The following EPSTI1 variants were observed in gnomAD, a reference collection of about 807,000 sequenced individuals.
The protein encoded by EPSTI1 is epithelial stromal interaction 1, also known as epithelial-stromal interaction protein 1.
A neutral mutation model predicts 49.9 loss-of-function variants in EPSTI1; 66 were observed. The observed-to-expected ratio is 1.32, with a 90% CI of 1.08 to 1.62. EPSTI1 has a LOEUF of 1.62. Among genes scored for constraint, EPSTI1 ranks in the 40% most tolerant of loss-of-function variants. EPSTI1 has a pLI of 0.00. For missense variants in EPSTI1, 394 were observed against 365.5 expected (o/e 1.08, Z -0.64); for synonymous variants, 137 against 130.7 (o/e 1.05, Z -0.33).
intron 5 of EPSTI1, among the ~76,000 whole-genome samples, chr13:42,961,182 T>C (rs2039437921): frequency 6.6e-6 from 1 of 152,094 alleles, no homozygotes; most frequent in Non-Finnish European, 1.5e-5. Flanking sequence ...GGTAAGAAAA[T>C]ACCTTTTTCA....
At chr13:42,950,719 T>C (rs1245717699) in intron 6 of EPSTI1, among the ~76,000 whole-genome samples, 4 of 152,214 alleles carry the variant, frequency 2.6e-5, no homozygotes, top group Admixed American at 6.5e-5. Context: ...ATGGTGAAAC[T>C]AGCAAAGTAT....
chr13:42,950,486 C>T (rs1167533184), intron 6 of EPSTI1, among the ~76,000 whole-genome samples: 5 of 152,162 alleles, frequency 3.3e-5, no homozygotes, highest in Non-Finnish European at 5.9e-5. Context: ...TGCCTGTTAG[C>T]TAAATAATTG....
chr13:42,943,462 A>C (rs1482482347), intron 6 of EPSTI1, among the ~76,000 whole-genome samples: 8 of 152,152 alleles, frequency 5.3e-5, no homozygotes. Context: ...CTGAGTTAGC[A>C]GTTATTGTTA....
chr13:42,905,341 T>C (rs761146071), intron 8 of EPSTI1, among the ~76,000 whole-genome samples: 2 of 152,162 alleles, frequency 1.3e-5, no homozygotes, highest in African/African-American at 2.4e-5. Context: ...CTCAGGATTA[T>C]TATCCTATAA....
At chr13:42,982,013 C>T (rs766273510) in intron 1 of EPSTI1, among the ~76,000 whole-genome samples, 1 of 152,122 alleles carries the variant, frequency 6.6e-6, no homozygotes, top group Non-Finnish European at 1.5e-5. Flanking sequence ...GCTCTAATGT[C>T]AGAGGTGTTT....
chr13:42,891,351 C>T (rs2037029487), intron 10 of EPSTI1, among the ~76,000 whole-genome samples: 1 of 152,098 alleles, frequency 6.6e-6, no homozygotes, highest in African/African-American at 2.4e-5. Context: ...ATGTATAGGC[C>T]TGGTCTTCGT....
At chr13:42,912,723 A>C (rs912140977) in intron 8 of EPSTI1, among the ~76,000 whole-genome samples, 4 of 152,214 alleles carry the variant, frequency 2.6e-5, no homozygotes, top group Non-Finnish European at 4.4e-5. Flanking sequence ...AATCTTGGTA[A>C]ATAAACATAT....
chr13:42,909,044 G>A (rs2037586792), intron 8 of EPSTI1, among the ~76,000 whole-genome samples: 1 of 152,170 alleles, frequency 6.6e-6, no homozygotes, highest in South Asian at 2.1e-4. Flanking sequence ...AGTGTGCCAA[G>A]ATCATGCCAT....
intron 8 of EPSTI1, among the ~76,000 whole-genome samples, chr13:42,913,655 A>G (rs1355717439): frequency 6.6e-6 from 1 of 152,234 alleles, no homozygotes; most frequent in African/African-American, 2.4e-5. Flanking sequence ...AACACAGTTC[A>G]TGCAAAGTAG....
chr13:42,893,637 T>G (rs2037103074), intron 10 of EPSTI1, among the ~76,000 whole-genome samples: 1 of 152,100 alleles, frequency 6.6e-6, no homozygotes, highest in Non-Finnish European at 1.5e-5. Flanking sequence ...GATTGCCACA[T>G]CCTCACATCC....
intron 8 of EPSTI1, among the ~76,000 whole-genome samples, chr13:42,912,628 T>A (rs1594635827): frequency 6.6e-6 from 1 of 152,230 alleles, no homozygotes; most frequent in Non-Finnish European, 1.5e-5. Flanking sequence ...GTTTGTATAG[T>A]TACAAATATA....
rs142300881 is a variant in EPSTI1, at chr13:42,926,334, A to G, written c.657+2T>C. On this transcript the variant is annotated splice_donor_variant, in intron 7 of 10. Transcript: ENST00000313624. LOFTEE classifies it high-confidence loss of function. ...CAGCACCCTGCAAAGTAATTCACTT[A>G]CCCATGTTGAGGATTGTGGGCCACA... 8.9e-6 allele frequency: 14 copies of G among 1,574,556 alleles called. No individual in the cohort carries two copies. Among genetic ancestry groups the G allele is most frequent in the Non-Finnish European group, 1.0e-5 (12 of 1,143,794 alleles).
intron 1 of EPSTI1, among the ~76,000 whole-genome samples, chr13:42,976,746 A>G (rs991506255): frequency 7.2e-5 from 11 of 152,244 alleles, no homozygotes; most frequent in Admixed American, 1.3e-4. Flanking sequence ...TTTGAAAGAA[A>G]CATACTTGTA....
At chr13:42,979,865 T>G (rs2039956600) in intron 1 of EPSTI1, among the ~76,000 whole-genome samples, 1 of 152,182 alleles carries the variant, frequency 6.6e-6, no homozygotes, top group Non-Finnish European at 1.5e-5. Flanking sequence ...TATTGCCTAA[T>G]AGTCTATATT....
At chr13:42,946,555 T>C (rs1416061778) in intron 6 of EPSTI1, among the ~76,000 whole-genome samples, 1 of 152,212 alleles carries the variant, frequency 6.6e-6, no homozygotes, top group African/African-American at 2.4e-5. Flanking sequence ...AGGTCATTCA[T>C]ATATGCTGAT....
intron 8 of EPSTI1, among the ~76,000 whole-genome samples, chr13:42,903,951 G>A (rs1317541286): frequency 5.3e-5 from 8 of 152,176 alleles, no homozygotes; most frequent in Admixed American, 6.5e-5. Context: ...GTTAATGAAT[G>A]TTTAGGATAT....
intron 10 of EPSTI1, among the ~76,000 whole-genome samples, chr13:42,891,177 G>A (rs1258973660): frequency 6.6e-6 from 1 of 152,160 alleles, no homozygotes; most frequent in East Asian, 1.9e-4. Context: ...GTTTATGAGT[G>A]ATAGTCTATT....
At chr13:42,900,792 G>A (rs928591443) in intron 8 of EPSTI1, among the ~76,000 whole-genome samples, 1 of 152,020 alleles carries the variant, frequency 6.6e-6, no homozygotes, top group Non-Finnish European at 1.5e-5. Context: ...TAAATTCAGA[G>A]CAACTTACAA....
chr13:42,974,287 G>A (rs2039830314), intron 1 of EPSTI1, among the ~76,000 whole-genome samples: 1 of 151,742 alleles, frequency 6.6e-6, no homozygotes, highest in African/African-American at 2.4e-5. Flanking sequence ...AGTGAGCTGC[G>A]ATCATGCCAC....
Sources: gnomAD v4.1 joint callset for allele counts (sites outside exome capture counted in the v4.1 genomes callset) on GRCh38, gnomAD v4.1.1 for gene constraint, MANE v1.5 for transcripts, NCBI Gene and HGNC (gene_info 2026-07-23, HGNC 2026-07-21) for gene names.